ZFHX3: variants seen among roughly 807,000 people sequenced by gnomAD.
ZFHX3 encodes zinc finger homeobox protein 3.
Under a neutral mutation model 279.1 loss-of-function variants are expected in ZFHX3, and 42 were observed. The ratio of observed to expected loss-of-function variants is 0.15; its 90% CI spans 0.12 to 0.19. The LOEUF is 0.19. ZFHX3 is among the 10% of genes least tolerant of loss of function. The pLI, the probability that ZFHX3 is intolerant of heterozygous loss-of-function variation, is 1.00. For missense variants in ZFHX3, 4,981 were observed against 4,754.0 expected, an observed-to-expected ratio of 1.05 and a Z score of -1.40; for synonymous variants, 2,293 against 1,957.8, an observed-to-expected ratio of 1.17 and a Z score of -4.52.
chr16:73,567,059 G>C (rs996467652), intron 2 of ZFHX3, among the ~76,000 whole-genome samples: 1 of 151,824 alleles, frequency 6.6e-6, no homozygotes, highest in African/African-American at 2.4e-5. Context: ...TTGTTGTTCA[G>C]GCTGTTGTCA....
At chr16:73,194,135 ATTGC>A (rs1968096146) in intron 5 of ZFHX3, among the ~76,000 whole-genome samples, 2 of 152,094 alleles carry the variant, frequency 1.3e-5, no homozygotes, top group Non-Finnish European at 2.9e-5. Flanking sequence ...CATCCATGGA[ATTGC>A]TGGGGTTCAT....
At chr16:73,021,647 A>G (rs527766605) in intron 1 of ZFHX3, among the ~76,000 whole-genome samples, 1 of 151,884 alleles carries the variant, frequency 6.6e-6, no homozygotes, top group Admixed American at 6.6e-5. Flanking sequence ...CCTGGCCAAC[A>G]TAGTGAAACC....
At chr16:72,892,226 G>C (rs777176007) in intron 3 of ZFHX3, among the ~76,000 whole-genome samples, 2 of 152,186 alleles carry the variant, frequency 1.3e-5, no homozygotes, top group Non-Finnish European at 2.9e-5. Context: ...AGCCCTCAAT[G>C]ACATAAACTG....
intron 1 of ZFHX3, among the ~76,000 whole-genome samples, chr16:73,788,713 A>AATATATATATATCTATATATAGATATAT (rs1959733721): frequency 1.3e-5 from 2 of 148,640 alleles, no homozygotes; most frequent in African/African-American, 2.4e-5. Context: ...GGAATAGGAA[A>AATATATATATATCTATATATAGATATAT]ATATATATAT....
chr16:73,207,229 A>G lies in ZFHX3; in HGVS notation c.-1104+49818T>C, dbSNP rs2011843046. 3.9e-5 allele frequency among the ~76,000 whole-genome samples: 6 copies of G among 152,160 alleles called. No individual in the cohort carries two copies. The South Asian group carries it at 1.2e-3, about 32-fold the overall frequency. ...TTAAACCCAGAGGAAAGAGCCAGCA[A>G]GCACTAGACGACACACGGTTCTAGA... On this transcript the variant is annotated intron_variant, in intron 5 of 17. Transcript: ENST00000641206.
intron 1 of ZFHX3, among the ~76,000 whole-genome samples, chr16:73,751,315 A>T (rs1381299192): frequency 1.3e-5 from 2 of 152,218 alleles, no homozygotes; most frequent in Admixed American, 6.5e-5. Context: ...GATAATATAG[A>T]AACATATAGT....
chr16:73,093,735 C>A (rs566818442), intron 7 of ZFHX3: 72 of 222,028 alleles, frequency 3.2e-4, no homozygotes, highest in Non-Finnish European at 5.5e-4. Flanking sequence ...CAGGAAAATT[C>A]TAACTAATCA....
intron 2 of ZFHX3, among the ~76,000 whole-genome samples, chr16:73,660,935 T>C (rs1435335211): frequency 7.5e-6 from 1 of 133,376 alleles, no homozygotes; most frequent in South Asian, 2.5e-4. Context: ...ACTAATATGC[T>C]GATCTACACG....
In ZFHX3 at chr16:73,197,376, C is replaced by T. The variant is rs376889669; in HGVS notation, c.-1103-53545G>A. ...TACTATGAGCACATGAAGTAGAGGA[C>T]AAGCTAGCAAGGTGGATATGGTGAT... On this transcript the variant is annotated intron_variant, in intron 5 of 17. Transcript: ENST00000641206. 2.0e-4 allele frequency among the ~76,000 whole-genome samples: 31 copies of T among 152,276 alleles called. No individual in the cohort carries two copies. The South Asian group carries it at 6.2e-3, about 31-fold the overall frequency.
chr16:73,121,382 T>G (rs913617713), intron 7 of ZFHX3, among the ~76,000 whole-genome samples: 5 of 152,182 alleles, frequency 3.3e-5, no homozygotes, highest in Admixed American at 6.5e-5. Flanking sequence ...TTATTAAGAT[T>G]ATTTTCACCT....
intron 1 of ZFHX3, among the ~76,000 whole-genome samples, chr16:73,847,974 T>C (rs953476879): frequency 1.4e-5 from 2 of 143,872 alleles, no homozygotes; most frequent in African/African-American, 5.2e-5. Context: ...TTGGCCAGAC[T>C]GGTCTCAAAC....
At chr16:73,519,105 T>C (rs1369028023) in intron 2 of ZFHX3, among the ~76,000 whole-genome samples, 1 of 152,212 alleles carries the variant, frequency 6.6e-6, no homozygotes, top group Non-Finnish European at 1.5e-5. Flanking sequence ...GGAGATCTGC[T>C]GAATTCCAGA....
intron 1 of ZFHX3, among the ~76,000 whole-genome samples, chr16:73,820,480 G>A (rs1435788270): frequency 6.6e-6 from 1 of 152,056 alleles, no homozygotes; most frequent in East Asian, 1.9e-4. Flanking sequence ...GAGATTCACA[G>A]TTTACAGGGA....
At chr16:73,591,344 C>T (rs1038774246) in intron 2 of ZFHX3, among the ~76,000 whole-genome samples, 1 of 151,154 alleles carries the variant, frequency 6.6e-6, no homozygotes, top group Admixed American at 6.6e-5. Flanking sequence ...CAAAGCAAGA[C>T]TCTGCCTCAA....
intron 5 of ZFHX3, among the ~76,000 whole-genome samples, chr16:73,197,395 T>C (rs115310468): frequency 6.9e-4 from 105 of 152,314 alleles, no homozygotes; most frequent in African/African-American, 2.4e-3. Flanking sequence ...AAGGTGGATA[T>C]GGTGATTGGT....
intron 4 of ZFHX3, among the ~76,000 whole-genome samples, chr16:73,296,533 C>T (rs1257206520): frequency 6.6e-6 from 1 of 152,176 alleles, no homozygotes; most frequent in Non-Finnish European, 1.5e-5. Context: ...TTGACTTGTA[C>T]ATTACAAGGC....
At chr16:73,715,335 C>A (rs887492909) in intron 1 of ZFHX3, among the ~76,000 whole-genome samples, 1 of 152,044 alleles carries the variant, frequency 6.6e-6, no homozygotes, top group Admixed American at 6.5e-5. Flanking sequence ...ATGAACAGAC[C>A]CAGTTGACCG....
intron 3 of ZFHX3, among the ~76,000 whole-genome samples, chr16:73,348,404 C>T (rs1344501376): frequency 6.6e-6 from 1 of 152,208 alleles, no homozygotes; most frequent in African/African-American, 2.4e-5. Flanking sequence ...ATTTGTCCTC[C>T]TCCCAGCCCC....
At chr16:73,770,131 T>C (rs572718156) in intron 1 of ZFHX3, among the ~76,000 whole-genome samples, 1 of 152,330 alleles carries the variant, frequency 6.6e-6, no homozygotes, top group South Asian at 2.1e-4. Flanking sequence ...GATGACCTGA[T>C]GATAGCGAGA....
Sources: allele counts gnomAD v4.1 joint callset (sites outside exome capture counted in the v4.1 genomes callset), GRCh38; gene constraint gnomAD v4.1.1; transcripts MANE v1.5; gene names NCBI Gene and HGNC (gene_info 2026-07-23, HGNC 2026-07-21).